The following CLUH variants were observed in gnomAD, a reference collection of about 807,000 sequenced individuals.
CLUH encodes clustered mitochondria protein homolog.
A neutral mutation model predicts 139.3 loss-of-function variants in CLUH; 77 were observed. The ratio of observed to expected loss-of-function variants is 0.55; its 90% CI spans 0.46 to 0.67. The LOEUF (loss-of-function observed/expected upper bound fraction) is 0.67, where lower values mean the gene tolerates loss of function less well. CLUH is among the 30% of genes least tolerant of loss of function. The pLI is 0.00. For missense variants in CLUH, 1,876 were observed against 1,875.8 expected, an observed-to-expected ratio of 1.00 and a Z score of 0.00; for synonymous variants, 999 against 801.6, an observed-to-expected ratio of 1.25 and a Z score of -4.16.
In CLUH at chr17:2,698,717, C is replaced by T. The variant is rs555621471; in HGVS notation, c.1267-127G>A. 33 of 809,488 alleles carry T rather than the reference C, an allele frequency of 4.1e-5. No individual in the cohort carries two copies. In the African/African-American group the frequency reaches 5.5e-4, roughly 14 times the overall value. The allele number at this position is 809,488 out of a possible 1,614,324, so 50.1% of individuals were successfully genotyped here. A position where few individuals can be genotyped will look rare whatever the true frequency, so the allele number is the denominator to read the frequency against. On this transcript the variant is annotated intron_variant, in intron 9 of 25. Transcript: ENST00000651024. Reference sequence around the variant, plus strand: ...GCCTTGGAAACCCAAGGACCCGGAGCCTCAGTTTCCTCATATGTAGAAAAG... The same window carrying T: ...GCCTTGGAAACCCAAGGACCCGGAGTCTCAGTTTCCTCATATGTAGAAAAG...
rs1426859840 is a variant in CLUH at position 2,706,507 on chromosome 17, C to T, written c.101-1943G>A. On this transcript the variant is annotated intron_variant, in intron 1 of 25. Transcript: ENST00000651024. The surrounding 1 kb of genome is among the most constrained non-coding windows in gnomAD (Gnocchi z 4.6). ...AACTGTGCATGTCATGGCTCTCCACCCCACCCTCTCCAAGCCTGCAGTGGA... is the reference window on the plus strand; with the variant it reads ...AACTGTGCATGTCATGGCTCTCCACTCCACCCTCTCCAAGCCTGCAGTGGA... Among the ~76,000 whole-genome samples, 1 of 152,090 alleles carries T rather than the reference C, an allele frequency of 6.6e-6. No homozygotes were observed. Among genetic ancestry groups the T allele is most frequent in the East Asian group, 1.9e-4 (1 of 5,184 alleles).
Position 2,704,713 on chromosome 17 carries a change from G to T in CLUH, c.101-149C>A. 1 of 725,516 alleles carries T rather than the reference G, an allele frequency of 1.4e-6. No individual in the cohort carries two copies. The allele number at this position is 725,516 out of a possible 1,614,324, so 44.9% of individuals were successfully genotyped here. ...CTCACGGTCGCGCCTCGCCCTCCGT[G>T]CACCTGCAGGCCACTTCCACACCCA... On this transcript the variant is annotated intron_variant, in intron 1 of 25. Transcript: ENST00000651024. This position sits in a 1 kb window ranked among gnomAD's most constrained non-coding sequence, Gnocchi z 5.7.
rs2069560480 is a variant in CLUH, at chr17:2,689,992, G to C, written c.*602C>G. On this transcript the variant is annotated 3_prime_UTR_variant, in exon 26 of 26. Coordinates refer to ENST00000651024, the MANE Select transcript of CLUH (RefSeq NM_001366661.1). ...CGGGAGCAGCAGCCAGACCACGCCA[G>C]TCACAACGGCGGCTCCCGTCCCGCC... is the stretch of plus-strand genomic sequence containing the variant. The C allele has an allele frequency of 6.6e-6, 1 of 152,420 alleles. No individual in the cohort carries two copies. Among genetic ancestry groups the C allele is most frequent in the Non-Finnish European group, 1.5e-5 (1 of 68,134 alleles). 9.4% of individuals were successfully genotyped at this position (152,420 alleles called of 1,614,324 possible).
At chr17:2,697,723 C>G (rs1052914968) in intron 10 of CLUH, among the ~76,000 whole-genome samples, 173 bp downstream of exon 10, 7 of 152,212 alleles carry the variant, frequency 4.6e-5, no homozygotes, top group Non-Finnish European at 8.8e-5. Flanking sequence ...TTTCTGCGCT[C>G]GGGAGCCTGA....
intron 1 of CLUH, among the ~76,000 whole-genome samples, chr17:2,708,870 G>C (rs1411051286): frequency 1.1e-5 from 1 of 91,092 alleles, no homozygotes. Context: ...CGGGGGGGGG[G>C]GAGCAGAACT....
chr17:2,698,239 A>T lies in CLUH; in HGVS notation c.1618T>A (p.Tyr540Asn). The change falls in exon 10 of 26, where the codon TAC becomes AAC. Residue 540 changes from tyrosine to asparagine, a missense_variant. By Grantham distance (143) the Tyr-to-Asn change is moderately radical. Coordinates refer to ENST00000651024, the MANE Select transcript of CLUH (RefSeq NM_001366661.1). Reference sequence around the variant, plus strand: ...GTCTTGCCGAAGTCGATGGAGCCGTAGATGACGCTCTGCTCCTGGTCCCGC... The same window carrying T: ...GTCTTGCCGAAGTCGATGGAGCCGTTGATGACGCTCTGCTCCTGGTCCCGC... The part of the protein sequence containing the change: ...LERDQEQSVI[Y>N]GSIDFGKTVV... 1.2e-6 allele frequency: 2 copies of T among 1,600,748 alleles called. No individual in the cohort carries two copies. The highest frequency in any genetic ancestry group is 1.7e-6 in the Non-Finnish European group (2 of 1,174,438).
intron 13 of CLUH, chr17:2,695,885 C>T: frequency 1.7e-6 from 1 of 584,752 alleles, no homozygotes; most frequent in Non-Finnish European, 3.0e-6. Context: ...TGGGCAGCCC[C>T]CACTGAGCTC....
chr17:2,708,214 A>G (rs1460610494), intron 1 of CLUH, among the ~76,000 whole-genome samples: 2 of 152,170 alleles, frequency 1.3e-5, no homozygotes, highest in Admixed American at 6.5e-5. Context: ...CCCCTCCAGG[A>G]CCAGGGATCA....
Position 2,695,048 on chromosome 17 carries a change from G to C in CLUH, c.2661C>G (p.Phe887Leu), listed in dbSNP as rs745704208. ...CCACGGGGTTTGGGTAGGAGCTCAG[G>C]AAGCAGTTCAGGAAGTGGCTGATGG... is the stretch of plus-strand genomic sequence containing the variant. ...SAAISHFLNC[F>L]LSSYPNPVAH... Residue 887 changes from phenylalanine (F) to leucine (L), a missense_variant, in exon 16 of 26, where the codon TTC becomes TTG. By Grantham distance (22) the Phe-to-Leu change is conservative (BLOSUM62 0). Coordinates refer to ENST00000651024, the MANE Select transcript of CLUH (RefSeq NM_001366661.1). 84 of 1,613,374 alleles carry C rather than the reference G, an allele frequency of 5.2e-5. No individual in the cohort carries two copies. Among genetic ancestry groups the C allele is most frequent in the Non-Finnish European group, 7.0e-5 (82 of 1,179,746 alleles).
In CLUH at chr17:2,698,000, G is replaced by A. The variant is rs369746838; in HGVS notation, c.1857C>T (p.Gly619=). 8 of 1,598,378 alleles carry A rather than the reference G, an allele frequency of 5.0e-6. No homozygotes were observed. Among genetic ancestry groups the A allele is most frequent in the South Asian group, 1.1e-5 (1 of 89,542 alleles). The change falls in exon 10 of 26, where the codon GGC becomes GGT. Residue 619 remains glycine, a synonymous_variant. Coordinates refer to ENST00000651024, the MANE Select transcript of CLUH (RefSeq NM_001366661.1). ...GGGCGCATTCCTCAGGCAGCTCCTC[G>A]CCAGGCACGGGCAGGAAGTTGAGGT... ...PPDLNFLPVP[G]EELPEECARA...
At position 2,706,673 on chromosome 17, in the gene CLUH, C is replaced by T. The variant is rs2070359389; in HGVS notation, c.101-2109G>A. Among the ~76,000 whole-genome samples, 1 of 152,126 alleles carries T rather than the reference C, an allele frequency of 6.6e-6. No individual in the cohort carries two copies. The highest frequency in any genetic ancestry group is 2.1e-4 in the South Asian group (1 of 4,826). ...TGACAGAGCAGAAAGACAGCCGGGG[C>T]GGTGGTCGGTCAGCTTGCAAACAGC... On this transcript the variant is annotated intron_variant, in intron 1 of 25. Coordinates refer to ENST00000651024, the MANE Select transcript of CLUH (RefSeq NM_001366661.1). This position sits in a 1 kb window ranked among gnomAD's most constrained non-coding sequence, Gnocchi z 4.6.
At chr17:2,699,468 A>G (rs1683175163) in intron 9 of CLUH, among the ~76,000 whole-genome samples, 1 of 152,004 alleles carries the variant, frequency 6.6e-6, no homozygotes, top group Non-Finnish European at 1.5e-5. Flanking sequence ...CTGGGACTAC[A>G]GGCACATGCC....
At chr17:2,695,759 G>C in intron 13 of CLUH, 1 of 614,230 alleles carries the variant, frequency 1.6e-6, no homozygotes, top group East Asian at 2.8e-5. Flanking sequence ...AGAGGTGCCC[G>C]CTTGGGGGCA....
intron 25 of CLUH, among the ~76,000 whole-genome samples, chr17:2,691,237 C>A (rs936561074): frequency 6.6e-6 from 1 of 152,178 alleles, no homozygotes; most frequent in Non-Finnish European, 1.5e-5. Context: ...ACACCAAGGT[C>A]TTCACTCGCG....
chr17:2,703,506 C>T lies in CLUH; in HGVS notation c.304-17G>A. On this transcript the variant is annotated splice_polypyrimidine_tract_variant and intron_variant, in intron 2 of 25. Coordinates refer to ENST00000651024, the MANE Select transcript of CLUH (RefSeq NM_001366661.1). This position sits in a 1 kb window ranked among gnomAD's most constrained non-coding sequence, Gnocchi z 4.2. ...GGGGGACACCTGCAGGGAGAAGGCC[C>T]CGCCCACCCCGGTGAGAGAGCACGT... 1 of 1,609,048 alleles carries T rather than the reference C, an allele frequency of 6.2e-7. No individual in the cohort carries two copies. Among genetic ancestry groups the T allele is most frequent in the Non-Finnish European group, 8.5e-7 (1 of 1,177,180 alleles).
intron 23 of CLUH, 40 bp downstream of exon 23, chr17:2,691,964 C>T (rs773865300): frequency 2.9e-6 from 2 of 684,256 alleles, no homozygotes; most frequent in Admixed American, 8.5e-5. Context: ...CCGCCACGCC[C>T]CCGCCCCGCC....
Position 2,700,791 on chromosome 17 carries a change from G to T in CLUH, c.1060C>A (p.Pro354Thr), listed in dbSNP as rs1372079320. 1 of 1,532,318 alleles carries T rather than the reference G, an allele frequency of 6.5e-7. No homozygotes were observed. Among genetic ancestry groups the T allele is most frequent in the South Asian group, 1.3e-5 (1 of 76,588 alleles). The allele number at this position is 1,532,318 out of a possible 1,614,324, so 94.9% of individuals were successfully genotyped here. The change falls in exon 8 of 26, where the codon CCA becomes ACA. Residue 354 changes from proline to threonine, a missense_variant. Transcript: ENST00000651024. Reference protein sequence around the residue: ...QRHPFERIATPFQVYSWTAPQ... With the variant: ...QRHPFERIATTFQVYSWTAPQ... Reference sequence around the variant, plus strand: ...GCTGTCCAGCTGTACACCTGGAATGGGGTGGCGATCCTCTCGAACGGGTGG... The same window carrying T: ...GCTGTCCAGCTGTACACCTGGAATGTGGTGGCGATCCTCTCGAACGGGTGG...
chr17:2,703,711 C>T lies in CLUH; in HGVS notation c.304-222G>A, dbSNP rs541016191. 6.6e-6 allele frequency among the ~76,000 whole-genome samples: 1 copy of T among 152,278 alleles called. No homozygotes were observed. Among genetic ancestry groups the T allele is most frequent in the South Asian group, 2.1e-4 (1 of 4,828 alleles). Reference sequence around the variant, plus strand: ...CCAGGCCATGTCCACACATGCCATGCCCTGTGTGTGCAGCCTGGAGCCTGG... The same window carrying T: ...CCAGGCCATGTCCACACATGCCATGTCCTGTGTGTGCAGCCTGGAGCCTGG... On this transcript the variant is annotated intron_variant, in intron 2 of 25. Coordinates refer to ENST00000651024, the MANE Select transcript of CLUH (RefSeq NM_001366661.1). The surrounding 1 kb of genome is among the most constrained non-coding windows in gnomAD (Gnocchi z 4.2).
intron 19 of CLUH, among the ~76,000 whole-genome samples, chr17:2,693,107 C>T (rs998698867): frequency 1.8e-5 from 2 of 110,748 alleles, no homozygotes; most frequent in African/African-American, 6.8e-5. Flanking sequence ...TCCACAAACA[C>T]CCAAATACAA....
Sources: allele counts gnomAD v4.1 joint callset (sites outside exome capture counted in the v4.1 genomes callset), GRCh38; gene constraint gnomAD v4.1.1; non-coding constraint Gnocchi (gnomAD v3.1); transcripts MANE v1.5; gene names NCBI Gene and HGNC (gene_info 2026-07-23, HGNC 2026-07-21).